The following MAP3K7CL variants were observed in gnomAD, a reference collection of about 807,000 sequenced individuals.
MAP3K7CL encodes MAP3K7 C-terminal like.
A neutral mutation model predicts 18.6 loss-of-function variants in MAP3K7CL; 16 were observed. The observed-to-expected ratio is 0.86, with a 90% CI of 0.58 to 1.31. MAP3K7CL has a LOEUF of 1.31. Among genes scored for constraint, MAP3K7CL ranks in the 50% most tolerant of loss-of-function variants. The pLI is 0.00. For missense variants in MAP3K7CL, 163 were observed against 174.4 expected, an observed-to-expected ratio of 0.93 and a Z score of 0.37; for synonymous variants, 65 against 66.8, an observed-to-expected ratio of 0.97 and a Z score of 0.13.
intron 4 of MAP3K7CL, among the ~76,000 whole-genome samples, chr21:29,115,654 A>C (rs776785252): frequency 6.6e-6 from 1 of 152,148 alleles, no homozygotes; most frequent in Non-Finnish European, 1.5e-5. Context: ...CATAGGTAGG[A>C]CTGGTTCCAT....
chr21:29,085,834 T>C (rs1411901385), upstream of MAP3K7CL: 2 of 1,613,556 alleles, frequency 1.2e-6, no homozygotes, highest in Non-Finnish European at 1.7e-6. Flanking sequence ...CTTGAGTGGT[T>C]AAATTACTGT....
At chr21:29,165,731 T>C (rs999415510) in intron 4 of MAP3K7CL, among the ~76,000 whole-genome samples, 1 of 152,114 alleles carries the variant, frequency 6.6e-6, no homozygotes, top group African/African-American at 2.4e-5. Context: ...GCCACCACTC[T>C]GGGCTAATTG....
chr21:29,133,097 G>A (rs1161097219), intron 1 of MAP3K7CL, among the ~76,000 whole-genome samples: 2 of 152,126 alleles, frequency 1.3e-5, no homozygotes, highest in Non-Finnish European at 2.9e-5. Flanking sequence ...TATTGCAAAA[G>A]CAATTTTTTC....
intron 2 of MAP3K7CL, among the ~76,000 whole-genome samples, chr21:29,142,754 A>G (rs1298695437): frequency 6.6e-6 from 1 of 152,238 alleles, no homozygotes; most frequent in African/African-American, 2.4e-5. Context: ...TGATTGACAT[A>G]TACATTGCTT....
At chr21:29,111,647 C>G (rs1445369525) in intron 4 of MAP3K7CL, among the ~76,000 whole-genome samples, 1 of 152,116 alleles carries the variant, frequency 6.6e-6, no homozygotes, top group Admixed American at 6.5e-5. Flanking sequence ...TGTAGGGAGA[C>G]AGCCTTTCTT....
intron 4 of MAP3K7CL, among the ~76,000 whole-genome samples, chr21:29,094,223 C>A (rs2086080863): frequency 6.6e-6 from 1 of 152,192 alleles, no homozygotes. Context: ...GCCTAAACAT[C>A]CCACAATCCA....
At chr21:29,134,174 A>ACT (rs34368831) in intron 2 of MAP3K7CL, among the ~76,000 whole-genome samples, 28,089 of 150,654 alleles carry the variant, frequency 0.19, 2,812 homozygotes, top group East Asian at 0.39. Context: ...TCTTTTGAGG[A>ACT]CTCTCTCTCT....
At chr21:29,081,994 A>T (rs1447577992), upstream of MAP3K7CL, among the ~76,000 whole-genome samples, 1 of 152,160 alleles carries the variant, frequency 6.6e-6, no homozygotes, top group Non-Finnish European at 1.5e-5. Context: ...GCATCTTAAC[A>T]CCAGTGCAAA....
intron 3 of MAP3K7CL, among the ~76,000 whole-genome samples, chr21:29,154,039 C>T (rs2087341526): frequency 6.6e-6 from 1 of 152,120 alleles, no homozygotes; most frequent in South Asian, 2.1e-4. Context: ...ATTGGGTTGG[C>T]CTGGATTTGG....
chr21:29,100,077 C>A (rs1175451863), intron 4 of MAP3K7CL, among the ~76,000 whole-genome samples: 1 of 134,392 alleles, frequency 7.4e-6, no homozygotes, highest in East Asian at 2.3e-4. Flanking sequence ...AGCGAGACTC[C>A]GTCTTTAAAA....
chr21:29,097,870 G>T (rs183818424), intron 4 of MAP3K7CL, among the ~76,000 whole-genome samples: 1 of 152,146 alleles, frequency 6.6e-6, no homozygotes, highest in East Asian at 1.9e-4. Flanking sequence ...AACAGTTAAG[G>T]TTGGACAACA....
At chr21:29,097,094 C>T (rs931618456) in intron 4 of MAP3K7CL, among the ~76,000 whole-genome samples, 1 of 151,908 alleles carries the variant, frequency 6.6e-6, no homozygotes, top group Non-Finnish European at 1.5e-5. Context: ...GGCTGTCCCA[C>T]CAAAATCACA....
chr21:29,084,599 A>G (rs576431630), upstream of MAP3K7CL, among the ~76,000 whole-genome samples: 3 of 152,334 alleles, frequency 2.0e-5, no homozygotes, highest in African/African-American at 4.8e-5. Context: ...GGGAGGATCT[A>G]TGTGTCTATT....
chr21:29,113,520 C>G (rs886924298), intron 4 of MAP3K7CL, among the ~76,000 whole-genome samples: 2 of 152,050 alleles, frequency 1.3e-5, no homozygotes, highest in African/African-American at 4.8e-5. Flanking sequence ...GTGGCATGAT[C>G]TCAGCTCATT....
chr21:29,092,361 AAAAG>A, intron 3 of MAP3K7CL: 1 of 1,554,428 alleles, frequency 6.4e-7, no homozygotes, highest in Non-Finnish European at 8.8e-7. Flanking sequence ...CTCAGGGAAA[AAAAG>A]AACTGACATC....
At chr21:29,084,260 G>A (rs969948694), upstream of MAP3K7CL, among the ~76,000 whole-genome samples, 1 of 151,892 alleles carries the variant, frequency 6.6e-6, no homozygotes, top group African/African-American at 2.4e-5. Flanking sequence ...AGCATAAAAA[G>A]CAATCTTGAG....
At chr21:29,111,542 C>G (rs904376513) in intron 4 of MAP3K7CL, among the ~76,000 whole-genome samples, 8 of 152,088 alleles carry the variant, frequency 5.3e-5, no homozygotes, top group African/African-American at 1.9e-4. Context: ...TCATCTCTTG[C>G]CTGGAGGGTG....
At chr21:29,077,359 G>A (rs1476316341), upstream of MAP3K7CL, 1 of 153,750 alleles carries the variant, frequency 6.5e-6, no homozygotes, top group Non-Finnish European at 1.4e-5. Context: ...GCTGGCCCAG[G>A]TGCTAAGCCC....
chr21:29,109,987 T>C (rs1313798563), intron 4 of MAP3K7CL, among the ~76,000 whole-genome samples: 1 of 152,232 alleles, frequency 6.6e-6, no homozygotes, highest in East Asian at 1.9e-4. Context: ...TTTTAGAATG[T>C]TATGAGTACA....
Sources: gnomAD v4.1 joint callset for allele counts (sites outside exome capture counted in the v4.1 genomes callset) on GRCh38, gnomAD v4.1.1 for gene constraint, MANE v1.5 for transcripts, NCBI Gene and HGNC (gene_info 2026-07-23, HGNC 2026-07-21) for gene names.